The following SAXO1 variants were observed in gnomAD, a reference collection of about 807,000 sequenced individuals.
SAXO1 encodes the protein 4930500O09Rik.
SAXO1 carries 21 observed loss-of-function variants against 17.5 expected under a neutral mutation model. The ratio of observed to expected loss-of-function variants is 1.20; its 90% confidence interval spans 0.85 to 1.72. The LOEUF (loss-of-function observed/expected upper bound fraction) is 1.72. SAXO1 is among the 40% of genes most tolerant of loss of function. SAXO1 has a pLI of 0.00. For synonymous variants in SAXO1, 274 were observed against 216.5 expected (o/e 1.27, Z -2.33); for missense variants, 843 against 596.0 (o/e 1.41, Z -4.32).
chr9:18,928,406 G>A lies in SAXO1; in HGVS notation c.1071C>T (p.Pro357=), dbSNP rs141278609. The part of the protein sequence containing the change: ...WSSMRTEPVK[P]VPQLDLPTEP... ...CGGTGGGCAAGTCCAGCTGGGGAAC[G>A]GGCTTGACTGGCTCTGTGCGCATGC... Residue 357 remains proline, a synonymous_variant, in exon 4 of 4, where the codon CCC becomes CCT. Coordinates refer to ENST00000380534, the MANE Select transcript of SAXO1 (RefSeq NM_153707.4). 18 of 1,609,386 alleles carry A rather than the reference G, an allele frequency of 1.1e-5. No homozygotes were observed. The highest frequency in any genetic ancestry group is 1.7e-4 in the Middle Eastern group (1 of 6,054).
At chr9:19,018,024 C>T (rs1312021687) in intron 1 of SAXO1, among the ~76,000 whole-genome samples, 1 of 151,968 alleles carries the variant, frequency 6.6e-6, no homozygotes, top group African/African-American at 2.4e-5. Flanking sequence ...AAAAATTAGT[C>T]GGGTGTGGTT....
chr9:18,991,942 T>C (rs988507233), intron 1 of SAXO1, among the ~76,000 whole-genome samples: 5 of 152,106 alleles, frequency 3.3e-5, no homozygotes, highest in African/African-American at 1.2e-4. Flanking sequence ...GACTGCTAAG[T>C]TTAAAAGTGT....
intron 2 of SAXO1, among the ~76,000 whole-genome samples, chr9:18,950,364 C>A (rs573370192): frequency 8.5e-5 from 13 of 152,250 alleles, no homozygotes; most frequent in South Asian, 6.2e-4. Context: ...CCACCACCAC[C>A]ACCATCCCCC....
rs546523174 is a variant in SAXO1, at chr9:18,956,395, A to G, written c.39-5458T>C. Among the ~76,000 whole-genome samples, 26 of 152,272 alleles carry G rather than the reference A, an allele frequency of 1.7e-4. 1 individual carries two copies. The South Asian group carries it at 5.4e-3, about 32-fold the overall frequency. Reference sequence around the variant, plus strand: ...GGGCTTTTCAAACTTATGAACTTTCAATAGTTTTTTAGAATCTAATCTATA... The same window carrying G: ...GGGCTTTTCAAACTTATGAACTTTCGATAGTTTTTTAGAATCTAATCTATA... On this transcript the variant is annotated intron_variant, in intron 1 of 3. Transcript: ENST00000380534.
chr9:19,012,054 C>T (rs528646852), intron 1 of SAXO1, among the ~76,000 whole-genome samples: 60 of 152,080 alleles, frequency 3.9e-4, no homozygotes, highest in African/African-American at 1.4e-3. Flanking sequence ...CCATGTTGGC[C>T]AGGATGGTCT....
intron 3 of SAXO1, among the ~76,000 whole-genome samples, chr9:18,932,222 G>A (rs1337522166): frequency 1.3e-5 from 2 of 152,192 alleles, no homozygotes; most frequent in Non-Finnish European, 2.9e-5. Context: ...GAGTTTGGAT[G>A]CGGTAACTTC....
chr9:19,030,359 G>C (rs1835703362), intron 1 of SAXO1, among the ~76,000 whole-genome samples: 1 of 152,170 alleles, frequency 6.6e-6, no homozygotes. Flanking sequence ...CGGAATAAAA[G>C]GGAAGGGACC....
intron 1 of SAXO1, among the ~76,000 whole-genome samples, chr9:19,025,250 T>C (rs2131031480): frequency 6.6e-6 from 1 of 152,330 alleles, no homozygotes; most frequent in East Asian, 1.9e-4. Context: ...AGCAAGTATC[T>C]GTTAAAGGCT....
intron 1 of SAXO1, among the ~76,000 whole-genome samples, chr9:18,983,808 T>G (rs1263661996): frequency 6.6e-6 from 1 of 152,214 alleles, no homozygotes. Flanking sequence ...TCACTAACTT[T>G]CTTAATGGCG....
At chr9:18,931,607 G>T (rs565488704) in intron 3 of SAXO1, among the ~76,000 whole-genome samples, 2 of 152,312 alleles carry the variant, frequency 1.3e-5, no homozygotes, top group East Asian at 3.9e-4. Flanking sequence ...TCAAAGTGGA[G>T]AAGTAGATGT....
chr9:18,971,236 C>T (rs1475363389), intron 1 of SAXO1, among the ~76,000 whole-genome samples: 2 of 152,110 alleles, frequency 1.3e-5, no homozygotes, highest in Non-Finnish European at 2.9e-5. Context: ...AATTGAGCAG[C>T]GAGGATTTTC....
intron 1 of SAXO1, among the ~76,000 whole-genome samples, chr9:19,026,172 G>C (rs1399541335): frequency 6.6e-6 from 1 of 152,120 alleles, no homozygotes; most frequent in East Asian, 1.9e-4. Context: ...ACCCTAATTT[G>C]ATTGTTACAT....
intron 3 of SAXO1, among the ~76,000 whole-genome samples, chr9:18,930,272 G>A (rs1322070146): frequency 1.3e-5 from 2 of 152,206 alleles, no homozygotes; most frequent in Non-Finnish European, 2.9e-5. Flanking sequence ...CCTCTGCTGT[G>A]GGGCTGGAAT....
At chr9:18,944,099 CA>C (rs1403303673) in intron 2 of SAXO1, among the ~76,000 whole-genome samples, 1 of 148,470 alleles carries the variant, frequency 6.7e-6, no homozygotes, top group African/African-American at 2.6e-5. Flanking sequence ...TTCCCAAAGA[CA>C]AAAGCCAATC....
At chr9:19,028,443 C>T (rs1007628231) in intron 1 of SAXO1, among the ~76,000 whole-genome samples, 1 of 152,176 alleles carries the variant, frequency 6.6e-6, no homozygotes, top group Non-Finnish European at 1.5e-5. Flanking sequence ...TGGAGATAAT[C>T]AGATGCAATT....
At chr9:19,028,824 T>C (rs759208555) in intron 1 of SAXO1, among the ~76,000 whole-genome samples, 46 of 152,192 alleles carry the variant, frequency 3.0e-4, no homozygotes, top group East Asian at 3.8e-4. Context: ...AATTTAGACA[T>C]TTGAAACACT....
chr9:19,037,127 A>G (rs1835962289), upstream of SAXO1, among the ~76,000 whole-genome samples: 1 of 152,182 alleles, frequency 6.6e-6, no homozygotes, highest in Non-Finnish European at 1.5e-5. Flanking sequence ...CCCATTTGGA[A>G]TGGCTGTATT....
intron 1 of SAXO1, among the ~76,000 whole-genome samples, chr9:19,047,912 C>T (rs1204861402): frequency 6.6e-6 from 1 of 152,014 alleles, no homozygotes; most frequent in Non-Finnish European, 1.5e-5. Context: ...GAAGGGAAAC[C>T]CCAGAATGGT....
chr9:19,002,448 G>C (rs908089674), intron 1 of SAXO1, among the ~76,000 whole-genome samples: 1 of 152,230 alleles, frequency 6.6e-6, no homozygotes, highest in African/African-American at 2.4e-5. Flanking sequence ...CAAAAAAAGA[G>C]AATTTTAGGC....
Sources: gnomAD v4.1 joint callset for allele counts (sites outside exome capture counted in the v4.1 genomes callset) on GRCh38, gnomAD v4.1.1 for gene constraint, MANE v1.5 for transcripts, NCBI Gene and HGNC (gene_info 2026-07-23, HGNC 2026-07-21) for gene names.